Variants in MEGF10 observed in about 807,000 individuals in gnomAD.
MEGF10 encodes the protein multiple EGF like domains 10.
MEGF10 carries 86 observed loss-of-function variants against 147.5 expected under a neutral mutation model. The observed-to-expected ratio is 0.58, with a 90% CI of 0.49 to 0.70. MEGF10 has a LOEUF of 0.70. MEGF10 is among the 30% of genes least tolerant of loss of function. The pLI is 0.00. For synonymous variants in MEGF10, 478 were observed against 525.5 expected (o/e 0.91, Z 1.24); for missense variants, 1,329 against 1,487.3 (o/e 0.89, Z 1.75).
chr5:127,417,614 A>T lies in MEGF10; in HGVS notation c.1131-24A>T, dbSNP rs118122899. 303 of 1,613,858 alleles carry T rather than the reference A, an allele frequency of 1.9e-4. 2 individuals carry two copies. The East Asian group carries it at 3.5e-3, about 19-fold the overall frequency. On this transcript the variant is annotated intron_variant, in intron 9 of 24. Transcript: ENST00000503335. ...TGTCATGTTTACCCCAAAGTGACTT[A>T]TTCCTTTCATCCATGTCTCTCAGCT...
chr5:127,454,820 A>G (rs1037261082), intron 23 of MEGF10, among the ~76,000 whole-genome samples: 2 of 152,172 alleles, frequency 1.3e-5, no homozygotes, highest in African/African-American at 4.8e-5. Flanking sequence ...GTCTTTGGGG[A>G]ACAAAAGATT....
rs764004112 is a variant in MEGF10 at position 127,396,729 on chromosome 5, G to A, written c.610G>A (p.Asp204Asn). 27 of 1,613,924 alleles carry A rather than the reference G, an allele frequency of 1.7e-5. No individual in the cohort carries two copies. The highest frequency in any genetic ancestry group is 8.3e-5 in the Admixed American group (5 of 60,014). The change falls in exon 6 of 25, where the codon GAC becomes AAC. Residue 204 changes from aspartate (D) to asparagine (N), a missense_variant. By Grantham distance (23) the Asp-to-Asn change is conservative. Transcript: ENST00000503335. ...CCAGTGCCAGAATGGAGCCACCTGC[G>A]ACCACGTCACGGGGGAATGCCGCTG... is the stretch of plus-strand genomic sequence containing the variant. ...RCQCQNGATC[D>N]HVTGECRCPP...
chr5:127,327,450 T>C (rs1761082121), intron 1 of MEGF10, among the ~76,000 whole-genome samples: 2 of 152,148 alleles, frequency 1.3e-5, no homozygotes, highest in South Asian at 4.1e-4. Flanking sequence ...GCCTTTGTTT[T>C]CAATTGAAAT....
rs909339350 is a variant in MEGF10 at position 127,342,353 on chromosome 5, A to C, written c.319+1723A>C. ...AGCACAACCATCAACATACCAAGAG[A>C]GTACTTCTGTCTCCCAGCACACATT... is the stretch of plus-strand genomic sequence containing the variant. On this transcript the variant is annotated intron_variant, in intron 4 of 24. Coordinates refer to ENST00000503335, the MANE Select transcript of MEGF10 (RefSeq NM_001256545.2). Among the ~76,000 whole-genome samples, 50 of 152,106 alleles carry C rather than the reference A, an allele frequency of 3.3e-4. 2 individuals carry two copies.
At chr5:127,312,783 T>A in intron 1 of MEGF10, among the ~76,000 whole-genome samples, 1 of 152,224 alleles carries the variant, frequency 6.6e-6, no homozygotes, top group Admixed American at 6.5e-5. Context: ...TCTCTGACTC[T>A]CTTAGGTTCA....
At chr5:127,276,852 T>C in the MEGF10 span, among the ~76,000 whole-genome samples, 12 of 151,954 alleles carry the variant, frequency 7.9e-5, no homozygotes, top group African/African-American at 2.7e-4. Context: ...AGGTAGAGCA[T>C]GGTAAAGGGG....
intron 5 of MEGF10, among the ~76,000 whole-genome samples, chr5:127,382,910 A>G (rs929707848): frequency 1.3e-5 from 2 of 152,186 alleles, no homozygotes; most frequent in East Asian, 3.9e-4. Context: ...TCACCATCAG[A>G]TTGGCAATGG....
chr5:127,259,823 T>C, the MEGF10 span, among the ~76,000 whole-genome samples: 1 of 152,108 alleles, frequency 6.6e-6, no homozygotes, highest in Non-Finnish European at 1.5e-5. Context: ...AAGAAACTTA[T>C]CTTAAACTAC....
chr5:127,438,417 T>C (rs1765634546), intron 16 of MEGF10, 22 bp from the exon 17 acceptor site: 2 of 1,612,508 alleles, frequency 1.2e-6, no homozygotes, highest in Non-Finnish European at 1.7e-6. Flanking sequence ...TCTGATGGAC[T>C]TCTCCATACC....
chr5:127,377,207 T>C (rs968774891), intron 5 of MEGF10, among the ~76,000 whole-genome samples: 11 of 152,240 alleles, frequency 7.2e-5, no homozygotes, highest in African/African-American at 2.7e-4. Flanking sequence ...GATCTTTCTT[T>C]GTGATGGAAA....
At chr5:127,398,552 T>C (rs902939484) in intron 6 of MEGF10, 124 bp from the exon 7 acceptor site, 13 of 1,115,160 alleles carry the variant, frequency 1.2e-5, no homozygotes, top group Non-Finnish European at 2.6e-6. Flanking sequence ...TTGATGTTAA[T>C]TAATTAAATG....
intron 4 of MEGF10, among the ~76,000 whole-genome samples, chr5:127,341,816 T>G (rs932156238): frequency 1.3e-5 from 2 of 152,212 alleles, no homozygotes; most frequent in African/African-American, 4.8e-5. Context: ...TTATAAATAT[T>G]TGTTTAATCA....
chr5:127,273,764 C>T, the MEGF10 span, among the ~76,000 whole-genome samples: 5 of 152,030 alleles, frequency 3.3e-5, no homozygotes, highest in African/African-American at 9.7e-5. Context: ...GCATGCTTTT[C>T]GTAAACTATA....
intron 4 of MEGF10, among the ~76,000 whole-genome samples, chr5:127,364,057 A>G (rs939458318): frequency 6.6e-6 from 1 of 152,144 alleles, no homozygotes; most frequent in Non-Finnish European, 1.5e-5. Flanking sequence ...GATCCCCTTG[A>G]TCTCACCCCA....
chr5:127,331,143 A>C (rs1761240922), intron 1 of MEGF10, 148 bp from the exon 2 acceptor site: 1 of 559,508 alleles, frequency 1.8e-6, no homozygotes, highest in Non-Finnish European at 3.2e-6. Flanking sequence ...TGGACCATGG[A>C]ATTTGGTGAC....
chr5:127,411,485 A>G (rs904187429), intron 9 of MEGF10, among the ~76,000 whole-genome samples: 1 of 152,224 alleles, frequency 6.6e-6, no homozygotes, highest in African/African-American at 2.4e-5. Flanking sequence ...TTAAAAGTAA[A>G]CAAAAGCGTG....
chr5:127,401,581 C>CT (rs952866602), intron 7 of MEGF10, among the ~76,000 whole-genome samples: 53 of 152,088 alleles, frequency 3.5e-4, no homozygotes, highest in Non-Finnish European at 1.8e-4. Context: ...CACAGTCTGC[C>CT]TTTTTTTAGA....
intron 4 of MEGF10, among the ~76,000 whole-genome samples, chr5:127,353,057 G>T (rs954423655): frequency 1.3e-5 from 2 of 152,128 alleles, no homozygotes; most frequent in Non-Finnish European, 2.9e-5. Context: ...GGATGATCTG[G>T]AGCCAGGGAA....
intron 1 of MEGF10, among the ~76,000 whole-genome samples, chr5:127,327,642 G>C (rs1166116347): frequency 6.6e-6 from 1 of 151,400 alleles, no homozygotes; most frequent in East Asian, 1.9e-4. Context: ...AAAACCTATA[G>C]AAGAAAACAA....
Sources: gnomAD v4.1 joint callset for allele counts (sites outside exome capture counted in the v4.1 genomes callset) on GRCh38, gnomAD v4.1.1 for gene constraint, MANE v1.5 for transcripts, NCBI Gene and HGNC (gene_info 2026-07-23, HGNC 2026-07-21) for gene names.